Variants in USP40 observed in about 807,000 individuals in gnomAD.
USP40 encodes ubiquitin carboxyl-terminal hydrolase 40.
In USP40, 143 loss-of-function variants were observed where a neutral mutation model predicts 166.2. The ratio of observed to expected loss-of-function variants is 0.86; its 90% CI spans 0.75 to 0.99. USP40 has a LOEUF of 0.99. Ranked by LOEUF, USP40 falls within the 50% of genes least tolerant of loss-of-function variation. The pLI, the probability that USP40 is intolerant of heterozygous loss-of-function variation, is 0.00. For synonymous variants in USP40, 498 were observed against 524.0 expected (o/e 0.95, Z 0.68); for missense variants, 1,444 against 1,479.7 (o/e 0.98, Z 0.40).
At chr2:233,558,371 T>TAA (rs369795373) in intron 4 of USP40, among the ~76,000 whole-genome samples, 1 of 141,348 alleles carries the variant, frequency 7.1e-6, no homozygotes, top group Non-Finnish European at 1.6e-5. Context: ...ATGACTAGAT[T>TAA]AAAAAAAAAA....
intron 2 of USP40, 85 bp downstream of exon 2, chr2:233,565,271 T>G: frequency 2.0e-6 from 2 of 996,654 alleles, no homozygotes; most frequent in Non-Finnish European, 2.9e-6. Context: ...TTTAAGATAA[T>G]TGGTCTATTT....
intron 25 of USP40, 70 bp from the exon 26 acceptor site, chr2:233,491,331 C>A: frequency 8.9e-7 from 1 of 1,122,878 alleles, no homozygotes; most frequent in Non-Finnish European, 1.3e-6. Context: ...AATACATTGC[C>A]ATGTTTTGAT....
At chr2:233,489,542 T>C in intron 26 of USP40, 59 bp from the exon 27 acceptor site, 2 of 1,392,774 alleles carry the variant, frequency 1.4e-6, no homozygotes, top group Non-Finnish European at 9.7e-7. Context: ...CAAAACATAC[T>C]GTTTTAGAAA....
At chr2:233,521,757 A>T (rs2067673396) in intron 16 of USP40, among the ~76,000 whole-genome samples, 1 of 152,198 alleles carries the variant, frequency 6.6e-6, no homozygotes, top group Non-Finnish European at 1.5e-5. Context: ...TCTTTATTGC[A>T]GTTATTCCAT....
chr2:233,544,684 C>T (rs2069740636), intron 8 of USP40, among the ~76,000 whole-genome samples: 1 of 152,054 alleles, frequency 6.6e-6, no homozygotes, highest in East Asian at 1.9e-4. Flanking sequence ...AAAGGATGAC[C>T]AAATATATAC....
intron 21 of USP40, among the ~76,000 whole-genome samples, chr2:233,500,379 C>T (rs781424264): frequency 6.6e-6 from 1 of 152,092 alleles, no homozygotes; most frequent in Non-Finnish European, 1.5e-5. Context: ...TAAAAACTCA[C>T]AAGAATTGTG....
intron 11 of USP40, among the ~76,000 whole-genome samples, chr2:233,531,265 T>G (rs1265489983): frequency 6.6e-6 from 1 of 152,240 alleles, no homozygotes; most frequent in Non-Finnish European, 1.5e-5. Flanking sequence ...TTCATTGCTA[T>G]AACTTTATAA....
At chr2:233,511,614 G>T in intron 20 of USP40, 95 bp downstream of exon 20, 1 of 899,736 alleles carries the variant, frequency 1.1e-6, no homozygotes, top group Non-Finnish European at 1.6e-6. Flanking sequence ...AAAACTTTTA[G>T]AGAAAAACAA....
chr2:233,551,717 G>A (rs1335883759), intron 6 of USP40, among the ~76,000 whole-genome samples, 198 bp from the exon 7 acceptor site: 1 of 152,166 alleles, frequency 6.6e-6, no homozygotes, highest in East Asian at 1.9e-4. Flanking sequence ...ACTCATTTGT[G>A]CTTACAATTA....
At chr2:233,494,926 A>ATATATATATATATATATATATT (rs2065595740) in intron 24 of USP40, among the ~76,000 whole-genome samples, 1 of 32,026 alleles carries the variant, frequency 3.1e-5, no homozygotes, top group African/African-American at 2.1e-4. Flanking sequence ...ATATATATAT[A>ATATATATATATATATATATATT]TATATATATA....
At chr2:233,564,004 C>T (rs1324618950) in intron 2 of USP40, among the ~76,000 whole-genome samples, 1 of 152,128 alleles carries the variant, frequency 6.6e-6, no homozygotes, top group Non-Finnish European at 1.5e-5. Context: ...AAGTGTTATC[C>T]CTATTAGAAA....
intron 21 of USP40, among the ~76,000 whole-genome samples, chr2:233,506,271 G>C (rs1470502743): frequency 1.3e-5 from 2 of 152,086 alleles, no homozygotes; most frequent in Non-Finnish European, 2.9e-5. Context: ...TTCAACAAAT[G>C]GTTCTGGGAA....
At chr2:233,551,589 A>C in intron 6 of USP40, 70 bp from the exon 7 acceptor site, 4 of 1,451,648 alleles carry the variant, frequency 2.8e-6, no homozygotes, top group Non-Finnish European at 2.7e-6. Context: ...ATGTTTCTTA[A>C]GGTCTGAAAA....
intron 23 of USP40, among the ~76,000 whole-genome samples, chr2:233,498,271 T>C (rs1293611255): frequency 6.6e-6 from 1 of 152,232 alleles, no homozygotes; most frequent in Non-Finnish European, 1.5e-5. Flanking sequence ...TGTCATTTGT[T>C]CTGTGAAGTT....
chr2:233,557,140 G>T, intron 4 of USP40, 121 bp from the exon 5 acceptor site: 1 of 852,072 alleles, frequency 1.2e-6, no homozygotes, highest in Non-Finnish European at 1.8e-6. Flanking sequence ...TCAGATATAA[G>T]AATGACTCAG....
At position 233,545,810 on chromosome 2, in the gene USP40, G is replaced by A. The variant is rs147589565; in HGVS notation, c.966+3291C>T. On this transcript the variant is annotated intron_variant, in intron 8 of 31. Coordinates refer to ENST00000678225, the MANE Select transcript of USP40 (RefSeq NM_001365479.2). ...AGTGGAAAGAACACTACCTGGCTACGATTAGAATATTTGGGACCCTTTGTC... is the reference window on the plus strand; with the variant it reads ...AGTGGAAAGAACACTACCTGGCTACAATTAGAATATTTGGGACCCTTTGTC... 4.6e-4 allele frequency: 93 copies of A among 202,304 alleles called. No homozygotes were observed. The East Asian group carries it at 0.01, about 22-fold the overall frequency. The allele number at this position is 202,304 out of a possible 1,614,324, so 12.5% of individuals were successfully genotyped here. A position where few individuals can be genotyped will look rare whatever the true frequency, so the allele number is the denominator to read the frequency against.
rs970374942 is a variant in USP40, at chr2:233,523,180, C to T, written c.2191G>A (p.Asp731Asn). ...GSSILIQDSH[D>N]DNSLLTKEEK... ...TTGTTAGCGAGTTACCTGTTATCAT[C>T]ATGAGAATCCTGAATTAAAATTGAG... The change falls in exon 16 of 32, where the codon GAT becomes AAT. Residue 731 changes from aspartate to asparagine, a missense_variant. By Grantham distance (23) the Asp-to-Asn change is conservative (BLOSUM62 1). Coordinates refer to ENST00000678225, the MANE Select transcript of USP40 (RefSeq NM_001365479.2). 2 of 1,608,920 alleles carry T rather than the reference C, an allele frequency of 1.2e-6. No homozygotes were observed. The highest frequency in any genetic ancestry group is 8.5e-7 in the Non-Finnish European group (1 of 1,176,170).
intron 26 of USP40, chr2:233,489,765 T>TA (rs2065187880): frequency 6.5e-6 from 2 of 308,914 alleles, no homozygotes; most frequent in Non-Finnish European, 6.0e-6. Flanking sequence ...TCATCATGTT[T>TA]AAAAAATGAA....
In USP40 at chr2:233,545,282, G is replaced by A. The variant is rs528833057; in HGVS notation, c.967-2919C>T. 1.7e-4 allele frequency among the ~76,000 whole-genome samples: 26 copies of A among 152,286 alleles called. No individual in the cohort carries two copies. In the South Asian group the frequency reaches 2.7e-3, roughly 16 times the overall value. On this transcript the variant is annotated intron_variant, in intron 8 of 31. Coordinates refer to ENST00000678225, the MANE Select transcript of USP40 (RefSeq NM_001365479.2). ...AATGACAGGAGGGAAGAGGCAAACC[G>A]GCAATGTAGAGATGATGCTTGAGCC... is the stretch of plus-strand genomic sequence containing the variant.
Sources: gnomAD v4.1 joint callset for allele counts (sites outside exome capture counted in the v4.1 genomes callset) on GRCh38, gnomAD v4.1.1 for gene constraint, MANE v1.5 for transcripts, NCBI Gene and HGNC (gene_info 2026-07-23, HGNC 2026-07-21) for gene names.